Variants in TRAF3 observed in about 807,000 individuals in gnomAD.
The protein encoded by TRAF3 is TNF receptor-associated factor 3.
A neutral mutation model predicts 62.3 loss-of-function variants in TRAF3; 13 were observed. The observed-to-expected ratio is 0.21, with a 90% CI of 0.14 to 0.33. The LOEUF (loss-of-function observed/expected upper bound fraction) is 0.33, where lower values mean the gene tolerates loss of function less well. Ranked by LOEUF, TRAF3 falls within the 10% of genes least tolerant of loss-of-function variation. The pLI, the probability that TRAF3 is intolerant of heterozygous loss-of-function variation, is 1.00. For missense variants in TRAF3, 440 were observed against 741.8 expected, an observed-to-expected ratio of 0.59 and a Z score of 4.73; for synonymous variants, 269 against 283.4, an observed-to-expected ratio of 0.95 and a Z score of 0.51.
At chr14:102,887,531 G>A (rs1566798665) in intron 7 of TRAF3, among the ~76,000 whole-genome samples, 1 of 152,206 alleles carries the variant, frequency 6.6e-6, no homozygotes, top group African/African-American at 2.4e-5. Context: ...AAAAATAAAT[G>A]TAAATTATTG....
intron 5 of TRAF3, among the ~76,000 whole-genome samples, chr14:102,876,000 C>A (rs1384065056): frequency 6.6e-6 from 1 of 152,118 alleles, no homozygotes; most frequent in Non-Finnish European, 1.5e-5. Flanking sequence ...TTGGAAGGCC[C>A]ATTAAAACCT....
intron 2 of TRAF3, among the ~76,000 whole-genome samples, chr14:102,845,166 A>T (rs959772935): frequency 3.3e-5 from 5 of 150,172 alleles, no homozygotes; most frequent in African/African-American, 1.2e-4. Flanking sequence ...AAAGTGCTGG[A>T]ATTACAGGCG....
chr14:102,876,765 C>T, intron 6 of TRAF3: 2 of 536,088 alleles, frequency 3.7e-6, no homozygotes, highest in Admixed American at 5.8e-5. Flanking sequence ...TTCCACAGGC[C>T]TTCCGCTCAG....
chr14:102,797,172 T>A (rs949971016), intron 1 of TRAF3, among the ~76,000 whole-genome samples: 3 of 152,216 alleles, frequency 2.0e-5, no homozygotes, highest in Admixed American at 2.0e-4. Flanking sequence ...AGATATTGTC[T>A]TGTGTTAAGA....
At position 102,894,352 on chromosome 14, in the gene TRAF3, C is replaced by T. The variant is rs531494057; in HGVS notation, c.820-2909C>T. On this transcript the variant is annotated intron_variant, in intron 9 of 11. Transcript: ENST00000392745. ...AAAAAAAAAGACTGATCCTCACATT[C>T]ATAGTCAAACTAAAGAAAAACTGCA... Among the ~76,000 whole-genome samples the T allele has an allele frequency of 6.6e-5, 10 of 152,308 alleles. 3 individuals carry two copies. Among genetic ancestry groups the T allele is most frequent in the African/African-American group, 2.2e-4 (9 of 41,570 alleles).
chr14:102,871,042 C>A (rs1207467383), intron 3 of TRAF3, among the ~76,000 whole-genome samples: 1 of 152,348 alleles, frequency 6.6e-6, no homozygotes, highest in South Asian at 2.1e-4. Context: ...ATTCACCCTG[C>A]AGGCCTCATG....
chr14:102,869,369 C>T (rs968617087), intron 2 of TRAF3, among the ~76,000 whole-genome samples: 2 of 152,080 alleles, frequency 1.3e-5, no homozygotes, highest in African/African-American at 2.4e-5. Context: ...ACTCATCTAG[C>T]GGAAGTCAAT....
intron 1 of TRAF3, among the ~76,000 whole-genome samples, chr14:102,819,716 A>T (rs1405400650): frequency 1.3e-5 from 2 of 152,210 alleles, no homozygotes; most frequent in African/African-American, 4.8e-5. Flanking sequence ...GATTTTTAGA[A>T]CAGAAATAGT....
chr14:102,905,730 T>A lies in TRAF3; in HGVS notation c.1653T>A (p.Asp551Glu). 6.2e-7 allele frequency: 1 copy of A among 1,612,798 alleles called. No homozygotes were observed. Among genetic ancestry groups the A allele is most frequent in the Non-Finnish European group, 8.5e-7 (1 of 1,179,290 alleles). Reference sequence around the variant, plus strand: ...TAGAAAATGGGACATATATTAAAGATGATACAATTTTTATTAAAGTCATAG... The same window carrying A: ...TAGAAAATGGGACATATATTAAAGAAGATACAATTTTTATTAAAGTCATAG... ...TVLENGTYIK[D>E]DTIFIKVIVD... Residue 551 changes from aspartate (D) to glutamate (E), a missense_variant, in exon 12 of 12, where the codon GAT (aspartate) becomes GAA (glutamate). Physicochemically the swap from Asp to Glu is conservative, Grantham distance 45 (BLOSUM62 2). Around this residue, in one of 6 missense-constraint regions of TRAF3, gnomAD observed 59 missense variants for 120.9 expected, o/e 0.49. Coordinates refer to ENST00000392745, the MANE Select transcript of TRAF3 (RefSeq NM_145725.3).
chr14:102,855,674 T>C (rs1887320822), intron 2 of TRAF3, among the ~76,000 whole-genome samples: 1 of 151,676 alleles, frequency 6.6e-6, no homozygotes, highest in Non-Finnish European at 1.5e-5. Context: ...CACCAGCCTG[T>C]AGTCCCAGCT....
chr14:102,886,075 T>TA, intron 6 of TRAF3, 114 bp from the exon 7 acceptor site: 3 of 879,012 alleles, frequency 3.4e-6, no homozygotes, highest in Admixed American at 4.0e-5. Context: ...TGCCATAACT[T>TA]AGAGGACAGC....
intron 7 of TRAF3, among the ~76,000 whole-genome samples, chr14:102,886,841 C>A (rs1057118093): frequency 6.6e-6 from 1 of 152,196 alleles, no homozygotes; most frequent in South Asian, 2.1e-4. Context: ...ATTTTACATA[C>A]AGTACAAGCA....
chr14:102,838,339 A>G (rs1209607126), intron 2 of TRAF3, among the ~76,000 whole-genome samples: 3 of 152,244 alleles, frequency 2.0e-5, no homozygotes, highest in Non-Finnish European at 2.9e-5. Context: ...GAAGCAAGGC[A>G]AGTACAGGCT....
intron 1 of TRAF3, among the ~76,000 whole-genome samples, chr14:102,780,289 G>A (rs1315823464): frequency 2.6e-5 from 4 of 151,484 alleles, no homozygotes; most frequent in Non-Finnish European, 4.4e-5. Context: ...CCAAAGACGC[G>A]AATGGAAATA....
intron 9 of TRAF3, among the ~76,000 whole-genome samples, chr14:102,895,770 C>G (rs1364827384): frequency 6.6e-6 from 1 of 152,188 alleles, no homozygotes; most frequent in Non-Finnish European, 1.5e-5. Context: ...AGCTAATTAT[C>G]TTTCAGAAAG....
At chr14:102,816,859 T>C (rs1429581293) in intron 1 of TRAF3, among the ~76,000 whole-genome samples, 1 of 152,200 alleles carries the variant, frequency 6.6e-6, no homozygotes, top group Non-Finnish European at 1.5e-5. Context: ...GGGAAGCATT[T>C]GCTGCACTTC....
chr14:102,862,474 C>T (rs1344789342), intron 2 of TRAF3, among the ~76,000 whole-genome samples: 1 of 151,606 alleles, frequency 6.6e-6, no homozygotes, highest in Non-Finnish European at 1.5e-5. Context: ...CACCTTTCGG[C>T]CTCCATGGCT....
intron 4 of TRAF3, among the ~76,000 whole-genome samples, chr14:102,873,266 T>A (rs1489121157): frequency 6.6e-6 from 1 of 152,146 alleles, no homozygotes; most frequent in Non-Finnish European, 1.5e-5. Context: ...GAGATGGAAT[T>A]GGCCACCTGG....
chr14:102,869,988 A>G (rs1202274849), intron 2 of TRAF3, among the ~76,000 whole-genome samples, 197 bp from the exon 3 acceptor site: 1 of 151,968 alleles, frequency 6.6e-6, no homozygotes, highest in Non-Finnish European at 1.5e-5. Context: ...AATAGTTACT[A>G]TGTGTTTGGG....
Sources: gnomAD v4.1 joint callset for allele counts (sites outside exome capture counted in the v4.1 genomes callset) on GRCh38, gnomAD v4.1.1 for gene constraint, gnomAD v4.1.1 regional missense constraint, MANE v1.5 for transcripts, NCBI Gene and HGNC (gene_info 2026-07-23, HGNC 2026-07-21) for gene names.